FBXL2: variants seen among roughly 807,000 people sequenced by gnomAD.
FBXL2 encodes the protein F-box/LRR-repeat protein 2.
A neutral mutation model predicts 69.2 loss-of-function variants in FBXL2; 38 were observed. The observed-to-expected ratio is 0.55, with a 90% confidence interval of 0.42 to 0.72. The LOEUF (loss-of-function observed/expected upper bound fraction) is 0.72. Among genes scored for constraint, FBXL2 ranks in the 30% least tolerant of loss-of-function variants. The pLI is 0.00. For missense variants in FBXL2, 354 were observed against 520.3 expected (o/e 0.68, Z 3.11); for synonymous variants, 192 against 201.3 (o/e 0.95, Z 0.39).
At chr3:33,277,414 T>C, upstream of FBXL2, 1 of 1,219,226 alleles carries the variant, frequency 8.2e-7, no homozygotes, top group Middle Eastern at 2.2e-4. Flanking sequence ...GAGCCCACCT[T>C]GGGGACGGGG....
chr3:33,278,146 A>G (rs2033527445), intron 1 of FBXL2: 1 of 152,124 alleles, frequency 6.6e-6, no homozygotes. Flanking sequence ...AGTGCATTGT[A>G]AACGTCTTAA....
Position 33,297,558 on chromosome 3 carries a change from A to G in FBXL2, c.4-106A>G, listed in dbSNP as rs538909969. 3.4e-5 allele frequency: 22 copies of G among 654,554 alleles called. No homozygotes were observed. In the Admixed American group the frequency reaches 6.4e-4, roughly 19 times the overall value. 40.5% of individuals were successfully genotyped at this position (654,554 alleles called of 1,614,324 possible). On this transcript the variant is annotated intron_variant, in intron 1 of 14. Transcript: ENST00000484457. The stretch of plus-strand genomic sequence containing the variant: ...ATGAAATTAGTCACACCCTATTTGT[A>G]GGACAATAATTGGGGCCGTTCTGAT...
intron 2 of FBXL2, chr3:33,303,220 T>A (rs1004129531): frequency 1.1e-5 from 5 of 454,398 alleles, no homozygotes; most frequent in Non-Finnish European, 2.2e-5. Context: ...TATGCAGATT[T>A]TCCCTCTTTG....
chr3:33,335,482 G>A (rs889168389), intron 2 of FBXL2, among the ~76,000 whole-genome samples: 4 of 152,054 alleles, frequency 2.6e-5, no homozygotes, highest in Non-Finnish European at 5.9e-5. Context: ...AGGAAAAACC[G>A]TGAGCCAAGA....
At chr3:33,419,195 G>A in the FBXL2 span, among the ~76,000 whole-genome samples, 1 of 152,074 alleles carries the variant, frequency 6.6e-6, no homozygotes, top group Non-Finnish European at 1.5e-5. Context: ...CTGACTTGAG[G>A]CAGAAAAATC....
intron 1 of FBXL2, among the ~76,000 whole-genome samples, chr3:33,286,611 G>T (rs915520898): frequency 2.0e-5 from 3 of 152,256 alleles, no homozygotes; most frequent in Non-Finnish European, 1.5e-5. Context: ...GCTGCCTTTT[G>T]TTCAGCTGTG....
At chr3:33,398,800 C>T (rs2044110368) in intron 12 of FBXL2, among the ~76,000 whole-genome samples, 1 of 152,198 alleles carries the variant, frequency 6.6e-6, no homozygotes. Flanking sequence ...AATGTCGGCG[C>T]TTTTTCTATG....
chr3:33,319,672 G>A (rs1235456188), intron 2 of FBXL2, among the ~76,000 whole-genome samples: 1 of 152,088 alleles, frequency 6.6e-6, no homozygotes, highest in Non-Finnish European at 1.5e-5. Context: ...GTATTTTAAT[G>A]TATGAGTTAT....
intron 2 of FBXL2, among the ~76,000 whole-genome samples, chr3:33,328,282 C>T (rs2125818865): frequency 6.6e-6 from 1 of 152,046 alleles, no homozygotes; most frequent in Non-Finnish European, 1.5e-5. Flanking sequence ...CTGCCCAAAG[C>T]AATTTATAGA....
chr3:33,337,839 A>C (rs2039709993), intron 2 of FBXL2, among the ~76,000 whole-genome samples: 1 of 152,250 alleles, frequency 6.6e-6, no homozygotes, highest in Non-Finnish European at 1.5e-5. Context: ...GCTGAGAGCC[A>C]AATCAAGAAC....
intron 4 of FBXL2, among the ~76,000 whole-genome samples, chr3:33,363,826 G>C (rs1049039327): frequency 1.3e-5 from 2 of 152,042 alleles, no homozygotes; most frequent in Non-Finnish European, 2.9e-5. Context: ...AAGTAAACCA[G>C]GTGCCATGGC....
chr3:33,410,351 C>A, the FBXL2 span, among the ~76,000 whole-genome samples: 29 of 152,204 alleles, frequency 1.9e-4, no homozygotes, highest in Middle Eastern at 6.3e-3. Context: ...TGCAATATGA[C>A]AACACAACCT....
intron 2 of FBXL2, among the ~76,000 whole-genome samples, chr3:33,335,715 C>A (rs1171889733): frequency 6.6e-6 from 1 of 151,978 alleles, no homozygotes; most frequent in Admixed American, 6.6e-5. Context: ...AAAAGGGGAA[C>A]AAAGGAACAA....
chr3:33,358,957 C>A lies in FBXL2; in HGVS notation c.66-10C>A. The A allele has an allele frequency of 6.6e-7, 1 of 1,511,278 alleles. No homozygotes were observed. Among genetic ancestry groups the A allele is most frequent in the African/African-American group, 1.4e-5 (1 of 72,040 alleles). The allele number at this position is 1,511,278 out of a possible 1,614,324, so 93.6% of individuals were successfully genotyped here. The stretch of plus-strand genomic sequence containing the variant: ...CATCTCGTTTTTGTGTTTTTTTCCT[C>A]TCTCTGTAGAATATTTTCCTTCTTG... On this transcript the variant is annotated splice_polypyrimidine_tract_variant and intron_variant, in intron 2 of 14. Coordinates refer to ENST00000484457, the MANE Select transcript of FBXL2 (RefSeq NM_012157.5).
rs148856079 is a variant in FBXL2 at position 33,305,179 on chromosome 3, A to G, written c.65+7454A>G. 9.3e-3 allele frequency among the ~76,000 whole-genome samples: 1,412 copies of G among 151,948 alleles called. 8 individuals carry two copies. Among genetic ancestry groups the G allele is most frequent in the Middle Eastern group, 0.037 (11 of 294 alleles). On this transcript the variant is annotated intron_variant, in intron 2 of 14. Coordinates refer to ENST00000484457, the MANE Select transcript of FBXL2 (RefSeq NM_012157.5). ...TGCTTAGCGTTTTTTGTGCTTTCTT[A>G]AGGAACTTCCTCCTTACCCTGAAGA...
chr3:33,291,012 C>G (rs189431478), intron 1 of FBXL2, among the ~76,000 whole-genome samples: 88 of 152,148 alleles, frequency 5.8e-4, no homozygotes, highest in African/African-American at 1.9e-3. Flanking sequence ...CGACTATAGC[C>G]TTAATGTCCT....
chr3:33,411,752 A>G, the FBXL2 span: 1 of 1,273,634 alleles, frequency 7.9e-7, no homozygotes, highest in Admixed American at 1.7e-5. Flanking sequence ...CTTACAACTT[A>G]CTATATTATG....
chr3:33,421,496 T>G, the FBXL2 span, among the ~76,000 whole-genome samples: 2 of 152,058 alleles, frequency 1.3e-5, no homozygotes, highest in Non-Finnish European at 2.9e-5. Context: ...TCTCGAACTC[T>G]TAACCTCACG....
chr3:33,396,097 G>T, intron 12 of FBXL2: 2 of 1,397,860 alleles, frequency 1.4e-6, no homozygotes, highest in Non-Finnish European at 2.0e-6. Flanking sequence ...CTGCTCAATC[G>T]AGTCCTTTCC....
Sources: allele counts gnomAD v4.1 joint callset (sites outside exome capture counted in the v4.1 genomes callset), GRCh38; gene constraint gnomAD v4.1.1; transcripts MANE v1.5; gene names NCBI Gene and HGNC (gene_info 2026-07-23, HGNC 2026-07-21).